MBD5: variants seen among roughly 807,000 people sequenced by gnomAD.
The protein encoded by MBD5 is methyl-CpG-binding domain protein 5.
Under a neutral mutation model 117.3 loss-of-function variants are expected in MBD5, and 13 were observed. That is an observed-to-expected ratio of 0.11 (90% CI 0.07 to 0.18). The LOEUF is 0.18. Among genes scored for constraint, MBD5 ranks in the 10% least tolerant of loss-of-function variants. MBD5 has a pLI of 1.00. For missense variants in MBD5, 1,879 were observed against 2,093.8 expected (o/e 0.90, Z 2.00); for synonymous variants, 727 against 766.4 (o/e 0.95, Z 0.85).
At chr2:148,108,796 T>A (rs1696437215) in intron 1 of MBD5, among the ~76,000 whole-genome samples, 1 of 152,190 alleles carries the variant, frequency 6.6e-6, no homozygotes, top group Non-Finnish European at 1.5e-5. Flanking sequence ...ATACAGCTTG[T>A]AAATGCCAAA....
At chr2:148,121,585 G>A (rs1157793067) in intron 1 of MBD5, among the ~76,000 whole-genome samples, 1 of 152,012 alleles carries the variant, frequency 6.6e-6, no homozygotes, top group Non-Finnish European at 1.5e-5. Context: ...TACCTTGCCT[G>A]TTTTTACAGA....
intron 1 of MBD5, among the ~76,000 whole-genome samples, chr2:148,070,409 A>C (rs923486264): frequency 1.3e-5 from 2 of 152,144 alleles, no homozygotes; most frequent in Non-Finnish European, 2.9e-5. Context: ...ATTTTTTCCA[A>C]AAATATTACA....
chr2:148,230,744 G>T (rs1699963750), intron 2 of MBD5, among the ~76,000 whole-genome samples: 1 of 152,080 alleles, frequency 6.6e-6, no homozygotes. Context: ...AGGGCCCAAG[G>T]TCTCTTCAGT....
intron 1 of MBD5, among the ~76,000 whole-genome samples, chr2:148,032,743 G>A (rs1218910230): frequency 6.6e-6 from 1 of 152,116 alleles, no homozygotes; most frequent in African/African-American, 2.4e-5. Flanking sequence ...TTGTGTTATA[G>A]AAGTTCATTT....
chr2:148,483,548 T>G lies in MBD5; in HGVS notation c.2957T>G (p.Phe986Cys). ...MDGQVLQPVH[F>C]QLLAALLQNQ... ...GGGCAGGTATTGCAGCCTGTTCACTTTCAGCTCTTAGCAGCCTTGCTTCAG... is the reference window on the plus strand; with the variant it reads ...GGGCAGGTATTGCAGCCTGTTCACTGTCAGCTCTTAGCAGCCTTGCTTCAG... The change falls in exon 9 of 14, where the codon TTT (phenylalanine) becomes TGT (cysteine). Residue 986 changes from phenylalanine (F) to cysteine (C), a missense_variant. Around this residue, in one of 4 missense-constraint regions of MBD5, gnomAD observed 1,666 missense variants for 1,792.2 expected, o/e 0.93. Coordinates refer to ENST00000642680, the MANE Select transcript of MBD5 (RefSeq NM_001378120.1). 1 of 1,587,382 alleles carries G rather than the reference T, an allele frequency of 6.3e-7. No individual in the cohort carries two copies. The highest frequency in any genetic ancestry group is 8.6e-7 in the Non-Finnish European group (1 of 1,166,510).
intron 4 of MBD5, among the ~76,000 whole-genome samples, chr2:148,397,818 A>G (rs1704777113): frequency 7.4e-6 from 1 of 135,522 alleles, no homozygotes; most frequent in Non-Finnish European, 1.6e-5. Flanking sequence ...CTACCCCACA[A>G]CAGGCCCCAG....
rs556112772 is a variant in MBD5, at chr2:148,458,359, C to A, written c.-400C>A. On this transcript the variant is annotated 5_prime_UTR_variant, in exon 5 of 14. Coordinates refer to ENST00000642680, the MANE Select transcript of MBD5 (RefSeq NM_001378120.1). ...ACCGACTCACACTGTAAAAATGAGA[C>A]CAGTTTCTAAACAATAGAGATTGTC... 9.2e-6 allele frequency: 4 copies of A among 436,736 alleles called. No homozygotes were observed. The highest frequency in any genetic ancestry group is 3.2e-5 in the East Asian group (1 of 30,822). The allele number at this position is 436,736 out of a possible 1,614,324, so 27.1% of individuals were successfully genotyped here.
intron 2 of MBD5, among the ~76,000 whole-genome samples, chr2:148,179,125 C>A (rs979042367): frequency 1.3e-5 from 2 of 152,028 alleles, no homozygotes; most frequent in Non-Finnish European, 2.9e-5. Context: ...GAGGCCGAGG[C>A]GGGCGGATCA....
chr2:148,470,498 A>C, intron 8 of MBD5, 37 bp downstream of exon 8: 1 of 1,505,422 alleles, frequency 6.6e-7, no homozygotes, highest in South Asian at 1.3e-5. Flanking sequence ...CAAAGGTACT[A>C]AACTTTTCTA....
chr2:148,224,742 G>A (rs1253653002), intron 2 of MBD5, among the ~76,000 whole-genome samples: 1 of 151,554 alleles, frequency 6.6e-6, no homozygotes, highest in African/African-American at 2.4e-5. Context: ...GTGTGTCAGT[G>A]TTGGGTGCAT....
chr2:148,413,608 T>C (rs1284626718), intron 4 of MBD5, among the ~76,000 whole-genome samples: 1 of 151,802 alleles, frequency 6.6e-6, no homozygotes, highest in Non-Finnish European at 1.5e-5. Flanking sequence ...TCCTGGGTTT[T>C]TTTCTGGTTG....
At chr2:148,448,606 G>A (rs948358857) in intron 4 of MBD5, among the ~76,000 whole-genome samples, 1 of 151,676 alleles carries the variant, frequency 6.6e-6, no homozygotes. Context: ...GTAGGAACTT[G>A]GCAGCCATTG....
At chr2:148,070,348 T>A (rs1695317523) in intron 1 of MBD5, among the ~76,000 whole-genome samples, 1 of 152,338 alleles carries the variant, frequency 6.6e-6, no homozygotes, top group South Asian at 2.1e-4. Flanking sequence ...TTTAGTGATT[T>A]GATATTGGTA....
intron 3 of MBD5, among the ~76,000 whole-genome samples, chr2:148,317,334 A>C (rs945200016): frequency 6.6e-6 from 1 of 151,984 alleles, no homozygotes; most frequent in Non-Finnish European, 1.5e-5. Flanking sequence ...ACACCATTGC[A>C]CTCGAGCCTG....
intron 2 of MBD5, among the ~76,000 whole-genome samples, chr2:148,223,161 G>A (rs1699733841): frequency 6.6e-6 from 1 of 151,870 alleles, no homozygotes; most frequent in Non-Finnish European, 1.5e-5. Flanking sequence ...TGTTGAATTT[G>A]GTTTGCTAGT....
rs185453074 is a variant in MBD5 at position 148,283,138 on chromosome 2, A to T, written c.-680+49743A>T. Among the ~76,000 whole-genome samples, 12 of 152,262 alleles carry T rather than the reference A, an allele frequency of 7.9e-5. 1 individual carries two copies. Among genetic ancestry groups the T allele is most frequent in the Admixed American group, 6.5e-4 (10 of 15,296 alleles). On this transcript the variant is annotated intron_variant, in intron 3 of 13. Transcript: ENST00000642680. ...CTCCCATATCAGAGTGTTTGTAAAGATTAAATGCAATAAGGTATTCTCAGA... is the reference window on the plus strand; with the variant it reads ...CTCCCATATCAGAGTGTTTGTAAAGTTTAAATGCAATAAGGTATTCTCAGA...
rs958684346 is a variant in MBD5, at chr2:148,187,421, G to A, written c.-831+8628G>A. Among the ~76,000 whole-genome samples the A allele has an allele frequency of 6.6e-5, 10 of 152,038 alleles. No homozygotes were observed. In the South Asian group the frequency reaches 1.0e-3, roughly 16 times the overall value. Reference sequence around the variant, plus strand: ...CAGAAAAAATATTTGAACAAATATGGCCAAAATTGTTCCACATTGGATGAA... The same window carrying A: ...CAGAAAAAATATTTGAACAAATATGACCAAAATTGTTCCACATTGGATGAA... On this transcript the variant is annotated intron_variant, in intron 2 of 13. Transcript: ENST00000642680.
chr2:148,343,404 G>A (rs570597301), intron 4 of MBD5, among the ~76,000 whole-genome samples: 38 of 152,080 alleles, frequency 2.5e-4, no homozygotes, highest in Non-Finnish European at 4.4e-4. Flanking sequence ...GTATGTAAGC[G>A]TTCCCTTTTC....
At chr2:148,026,448 A>G (rs1156394751) in intron 1 of MBD5, 1 of 152,184 alleles carries the variant, frequency 6.6e-6, no homozygotes, top group Non-Finnish European at 1.5e-5. Flanking sequence ...ACATAATGTC[A>G]GTCTTTTCTT....
Sources: gnomAD v4.1 joint callset for allele counts (sites outside exome capture counted in the v4.1 genomes callset) on GRCh38, gnomAD v4.1.1 for gene constraint, gnomAD v4.1.1 regional missense constraint, MANE v1.5 for transcripts, NCBI Gene and HGNC (gene_info 2026-07-23, HGNC 2026-07-21) for gene names.